The following CCDC7 variants were observed in gnomAD, a reference collection of about 807,000 sequenced individuals.
CCDC7 encodes coiled-coil domain containing 7, also known as coiled-coil domain-containing protein 7.
CCDC7 carries 183 observed loss-of-function variants against 196.9 expected under a neutral mutation model. The ratio of observed to expected loss-of-function variants is 0.93; its 90% CI spans 0.82 to 1.05. CCDC7 has a LOEUF of 1.05. Among genes scored for constraint, CCDC7 ranks in the 50% least tolerant of loss-of-function variants. The pLI is 0.00. For synonymous variants in CCDC7, 525 were observed against 484.6 expected, an observed-to-expected ratio of 1.08 and a Z score of -1.10; for missense variants, 1,540 against 1,482.2, an observed-to-expected ratio of 1.04 and a Z score of -0.64.
At chr10:32,563,146 A>G (rs1412667134) in intron 13 of CCDC7, among the ~76,000 whole-genome samples, 2 of 152,110 alleles carry the variant, frequency 1.3e-5, no homozygotes, top group African/African-American at 4.8e-5. Flanking sequence ...AATGAAATAA[A>G]AGAGGATACA....
At chr10:32,666,518 G>A (rs1762536) in intron 21 of CCDC7, among the ~76,000 whole-genome samples, 49,053 of 146,930 alleles carry the variant, frequency 0.33, 10,686 homozygotes, top group Non-Finnish European at 0.49. Flanking sequence ...TAATGCTATC[G>A]GTCCCCCCTC....
At chr10:32,846,485 A>G (rs2093301977) in intron 37 of CCDC7, 26 bp downstream of exon 38, 1 of 1,412,902 alleles carries the variant, frequency 7.1e-7, no homozygotes. Context: ...TTTGAGTCTA[A>G]TATTTGTGAC....
At chr10:32,689,026 G>A (rs1387495429) in intron 22 of CCDC7, 27 bp from the exon 24 acceptor site, 2 of 1,334,678 alleles carry the variant, frequency 1.5e-6, no homozygotes, top group Non-Finnish European at 2.1e-6. Context: ...TTGTAATTTA[G>A]CGGACTAAAC....
At position 32,772,829 on chromosome 10, in the gene CCDC7, C is replaced by T. The variant is rs568749424; in HGVS notation, c.2906-6148C>T. 1.7e-4 allele frequency among the ~76,000 whole-genome samples: 26 copies of T among 152,290 alleles called. 1 individual carries two copies. In the South Asian group the frequency reaches 5.0e-3, roughly 29 times the overall value. On this transcript the variant is annotated intron_variant, in intron 28 of 41. Coordinates refer to ENST00000639629, the Ensembl canonical transcript of CCDC7. ...GGATCCCTGGTGGGGGTGTGTATGC[C>T]AGAGGCAACCTTCCGACCTCTCACA...
chr10:32,511,141 C>T (rs968701574), intron 9 of CCDC7, among the ~76,000 whole-genome samples: 1 of 148,524 alleles, frequency 6.7e-6, no homozygotes, highest in African/African-American at 2.6e-5. Flanking sequence ...CAGTGCAAAT[C>T]AATAAAGATA....
rs2047362120 is a variant in CCDC7, at chr10:32,518,264, C to G, written c.904-152C>G. 8.1e-6 allele frequency: 6 copies of G among 743,826 alleles called. No homozygotes were observed. In the South Asian group the frequency reaches 2.4e-4, roughly 30 times the overall value. 46.1% of individuals were successfully genotyped at this position (743,826 alleles called of 1,614,324 possible). A position where few individuals can be genotyped will look rare whatever the true frequency, so the allele number is the denominator to read the frequency against. ...TGTAGATCTTTTATGCCTTTCAGCT[C>G]CAATTATTGTGTCACTCTACAGACT... On this transcript the variant is annotated intron_variant, in intron 10 of 41. Coordinates refer to ENST00000639629, the Ensembl canonical transcript of CCDC7.
At chr10:32,697,040 A>G (rs1031369437) in intron 24 of CCDC7, among the ~76,000 whole-genome samples, 1 of 152,124 alleles carries the variant, frequency 6.6e-6, no homozygotes, top group South Asian at 2.1e-4. Flanking sequence ...CACTTTATTT[A>G]TATTATTATT....
chr10:32,526,970 T>G (rs1158452646), intron 11 of CCDC7, among the ~76,000 whole-genome samples: 1 of 152,144 alleles, frequency 6.6e-6, no homozygotes, highest in African/African-American at 2.4e-5. Flanking sequence ...ACCCTAGCCC[T>G]ACAAATAGTC....
chr10:32,656,776 A>T (rs1445363579), intron 20 of CCDC7, among the ~76,000 whole-genome samples: 3 of 152,170 alleles, frequency 2.0e-5, no homozygotes, highest in Admixed American at 2.0e-4. Context: ...CCCTTCCAAC[A>T]GTCCCCCAAA....
chr10:32,639,318 G>A (rs1320948647), intron 20 of CCDC7, among the ~76,000 whole-genome samples: 2 of 151,954 alleles, frequency 1.3e-5, no homozygotes, highest in African/African-American at 4.8e-5. Context: ...TCTTTTAATT[G>A]TTATGTTAGG....
chr10:32,730,398 G>A (rs2083759866), intron 28 of CCDC7, among the ~76,000 whole-genome samples: 1 of 150,820 alleles, frequency 6.6e-6, no homozygotes, highest in Admixed American at 6.6e-5. Flanking sequence ...TTCTTTCACT[G>A]TCTACTCCAT....
At chr10:32,797,761 T>C (rs565726913) in intron 29 of CCDC7, among the ~76,000 whole-genome samples, 1 of 143,768 alleles carries the variant, frequency 7.0e-6, no homozygotes, top group South Asian at 2.2e-4. Context: ...TTCCACCCCT[T>C]GATTACTGGA....
intron 11 of CCDC7, among the ~76,000 whole-genome samples, chr10:32,534,619 A>C (rs1452916246): frequency 6.6e-6 from 1 of 151,418 alleles, no homozygotes; most frequent in African/African-American, 2.4e-5. Flanking sequence ...ATCCTGGTTG[A>C]CCTCAGCTCT....
At chr10:32,580,175 C>T (rs999091268) in intron 16 of CCDC7, among the ~76,000 whole-genome samples, 2 of 151,506 alleles carry the variant, frequency 1.3e-5, no homozygotes, top group Admixed American at 6.6e-5. Context: ...TATATAATTT[C>T]CCCATAGTTT....
rs562146278 is a variant in CCDC7, at chr10:32,487,879, GT to G, written c.797-4042del. Among the ~76,000 whole-genome samples the G allele has an allele frequency of 7.6e-3, 1,153 of 152,248 alleles. 8 individuals are homozygous for G. Among genetic ancestry groups the G allele is most frequent in the Non-Finnish European group, 0.012 (849 of 68,010 alleles). ...TCAGAGGAGTACCTGGCCATGTGAA[GT>G]GTCAGTCTGCCCTTTCTGGGGGGTG... On this transcript the variant is annotated intron_variant, in intron 8 of 41. Transcript: ENST00000639629.
intron 18 of CCDC7, among the ~76,000 whole-genome samples, chr10:32,632,185 T>C (rs2139502579): frequency 6.6e-6 from 1 of 151,684 alleles, no homozygotes; most frequent in South Asian, 2.1e-4. Context: ...TCCATTGTAG[T>C]GTTAAACAGA....
exon 15 of CCDC7, chr10:32,567,751 A>G: frequency 3.1e-6 from 5 of 1,613,698 alleles, no homozygotes; most frequent in Non-Finnish European, 2.5e-6. Flanking sequence ...AACTGAGACA[A>G]CAATGCAAGT....
intron 31 of CCDC7, among the ~76,000 whole-genome samples, chr10:32,816,291 G>A (rs867777583): frequency 1.4e-4 from 21 of 152,204 alleles, no homozygotes; most frequent in Non-Finnish European, 2.6e-4. Flanking sequence ...GCTGGTGGAG[G>A]GGTGCCTGCG....
chr10:32,730,738 A>G (rs2083824938), intron 28 of CCDC7, among the ~76,000 whole-genome samples: 1 of 151,636 alleles, frequency 6.6e-6, no homozygotes, highest in Non-Finnish European at 1.5e-5. Flanking sequence ...CCATAGATAC[A>G]GTTCTCTAGT....
Sources: gnomAD v4.1 joint callset for allele counts (sites outside exome capture counted in the v4.1 genomes callset) on GRCh38, gnomAD v4.1.1 for gene constraint, MANE v1.5 for transcripts, NCBI Gene and HGNC (gene_info 2026-07-23, HGNC 2026-07-21) for gene names.